Variants in UNC119B observed in about 807,000 individuals in gnomAD.
UNC119B encodes protein unc-119 homolog B.
UNC119B carries 16 observed loss-of-function variants against 23.4 expected under a neutral mutation model. The observed-to-expected ratio is 0.68, with a 90% CI of 0.46 to 1.04. UNC119B has a LOEUF of 1.04. Ranked by LOEUF, UNC119B falls within the 50% of genes least tolerant of loss-of-function variation. The pLI is 0.00. For missense variants in UNC119B, 350 were observed against 361.3 expected, an observed-to-expected ratio of 0.97 and a Z score of 0.25; for synonymous variants, 144 against 145.4, an observed-to-expected ratio of 0.99 and a Z score of 0.07.
rs1053918992 is a variant in UNC119B at position 120,723,242 on chromosome 12, G to C, written c.*3210G>C. 3 of 154,654 alleles carry C rather than the reference G, an allele frequency of 1.9e-5. No individual in the cohort carries two copies. The highest frequency in any genetic ancestry group is 2.9e-5 in the Non-Finnish European group (2 of 68,222). 9.6% of individuals were successfully genotyped at this position (154,654 alleles called of 1,614,324 possible). Reference sequence around the variant, plus strand: ...AGTGTGTCCTGAAATTCACAGGACTGACTCCTCACCCCAGTGCACGAGGAT... The same window carrying C: ...AGTGTGTCCTGAAATTCACAGGACTCACTCCTCACCCCAGTGCACGAGGAT... On this transcript the variant is annotated 3_prime_UTR_variant, in exon 5 of 5. Transcript: ENST00000344651.
chr12:120,715,193 A>G (rs1459305391), intron 2 of UNC119B, among the ~76,000 whole-genome samples: 1 of 152,192 alleles, frequency 6.6e-6, no homozygotes, highest in East Asian at 1.9e-4. Context: ...CCTATCTCAA[A>G]ATAAATCAAT....
chr12:120,720,077 G>T lies in UNC119B; in HGVS notation c.*45G>T. Reference sequence around the variant, plus strand: ...GGGAGGTGCTTTGCCGCGGCCACAAGATCCTGGCACACGGAGATGATCGAA... The same window carrying T: ...GGGAGGTGCTTTGCCGCGGCCACAATATCCTGGCACACGGAGATGATCGAA... On this transcript the variant is annotated 3_prime_UTR_variant, in exon 5 of 5. Transcript: ENST00000344651. The T allele has an allele frequency of 1.4e-6, 2 of 1,410,960 alleles. No individual in the cohort carries two copies. The highest frequency in any genetic ancestry group is 2.0e-6 in the Non-Finnish European group (2 of 998,242). The allele number at this position is 1,410,960 out of a possible 1,614,324, so 87.4% of individuals were successfully genotyped here.
At chr12:120,710,809 T>A (rs1376627800) in intron 1 of UNC119B, 91 bp downstream of exon 1, 2 of 1,201,186 alleles carry the variant, frequency 1.7e-6, no homozygotes, top group Non-Finnish European at 2.1e-6. Flanking sequence ...AGCGCGGGGG[T>A]CCCCGCCAGA....
rs753040876 is a variant in UNC119B, at chr12:120,723,154, T to C, written c.*3122T>C. The stretch of plus-strand genomic sequence containing the variant: ...TTCCAGGATACTCTTTTCCCCTCTG[T>C]AAAGTCACTTTCTTCTGATGGCCAG... On this transcript the variant is annotated 3_prime_UTR_variant, in exon 5 of 5. Coordinates refer to ENST00000344651, the MANE Select transcript of UNC119B (RefSeq NM_001080533.3). The C allele has an allele frequency of 6.5e-6, 1 of 154,688 alleles. No homozygotes were observed. The highest frequency in any genetic ancestry group is 1.5e-5 in the Non-Finnish European group (1 of 68,260). The allele number at this position is 154,688 out of a possible 1,614,324, so 9.6% of individuals were successfully genotyped here.
At chr12:120,715,482 A>G (rs573279881) in intron 2 of UNC119B, among the ~76,000 whole-genome samples, 1 of 144,926 alleles carries the variant, frequency 6.9e-6, no homozygotes, top group Non-Finnish European at 1.5e-5. Flanking sequence ...ACTGGAGGGT[A>G]CTAACTCCTA....
chr12:120,718,489 G>T (rs1442137177), intron 4 of UNC119B, among the ~76,000 whole-genome samples: 1 of 152,202 alleles, frequency 6.6e-6, no homozygotes, highest in Non-Finnish European at 1.5e-5. Flanking sequence ...GGCTGTTGTA[G>T]ATTTTGGGGC....
At chr12:120,718,333 T>C (rs963702957) in intron 4 of UNC119B, among the ~76,000 whole-genome samples, 2 of 152,212 alleles carry the variant, frequency 1.3e-5, no homozygotes, top group African/African-American at 2.4e-5. Context: ...GTTTTAGTCA[T>C]TGGCCCTTCA....
chr12:120,715,266 G>A (rs1441938606), intron 2 of UNC119B, among the ~76,000 whole-genome samples: 2 of 152,230 alleles, frequency 1.3e-5, no homozygotes, highest in Non-Finnish European at 2.9e-5. Flanking sequence ...TTGTTCTGAT[G>A]AATTTGAATC....
At chr12:120,718,418 C>G (rs928917824) in intron 4 of UNC119B, among the ~76,000 whole-genome samples, 1 of 152,192 alleles carries the variant, frequency 6.6e-6, no homozygotes, top group African/African-American at 2.4e-5. Flanking sequence ...CTTTTCCATT[C>G]CCTGCAGGAT....
chr12:120,712,602 A>G lies in UNC119B; in HGVS notation c.245-672A>G, dbSNP rs1566019319. 2.0e-5 allele frequency among the ~76,000 whole-genome samples: 3 copies of G among 152,192 alleles called. No individual in the cohort carries two copies. The East Asian group carries it at 5.8e-4, about 29-fold the overall frequency. Reference sequence around the variant, plus strand: ...GATTTTGTGTAGCCCACAAACTAAGATTAGGTTTGTACATTTTTAAATGGT... The same window carrying G: ...GATTTTGTGTAGCCCACAAACTAAGGTTAGGTTTGTACATTTTTAAATGGT... On this transcript the variant is annotated intron_variant, in intron 1 of 4. Coordinates refer to ENST00000344651, the MANE Select transcript of UNC119B (RefSeq NM_001080533.3).
chr12:120,716,634 A>G lies in UNC119B; in HGVS notation c.365A>G (p.Glu122Gly), dbSNP rs761035170. ...EIAKPCVSDQ[E>G]EDEEEGGGDV... ...ATTCTGTGTGCTCTTTCAGACCAGG[A>G]GGAGGATGAGGAGGAGGGAGGTGGA... Residue 122 changes from glutamate (E) to glycine (G), a missense_variant, in exon 3 of 5, where the codon GAG becomes GGG. Physicochemically the swap from Glu to Gly is moderately conservative, Grantham distance 98. Coordinates refer to ENST00000344651, the MANE Select transcript of UNC119B (RefSeq NM_001080533.3). 2.5e-6 allele frequency: 4 copies of G among 1,614,152 alleles called. No homozygotes were observed. Among genetic ancestry groups the G allele is most frequent in the South Asian group, 1.1e-5 (1 of 91,076 alleles).
chr12:120,714,342 A>G (rs899515856), intron 2 of UNC119B, among the ~76,000 whole-genome samples: 1 of 151,516 alleles, frequency 6.6e-6, no homozygotes, highest in African/African-American at 2.4e-5. Flanking sequence ...TTGTTTTGAG[A>G]CACAGTCTTG....
chr12:120,718,427 A>C (rs1882824277), intron 4 of UNC119B, among the ~76,000 whole-genome samples: 1 of 152,184 alleles, frequency 6.6e-6, no homozygotes, highest in Non-Finnish European at 1.5e-5. Context: ...TCCCTGCAGG[A>C]TAGAGAGTTG....
At chr12:120,719,873 C>G (rs372941146) in intron 4 of UNC119B, 47 bp from the exon 5 acceptor site, 2 of 1,428,428 alleles carry the variant, frequency 1.4e-6, no homozygotes, top group African/African-American at 2.8e-5. Context: ...GGGGCAGACT[C>G]AAACATAATT....
rs767092881 is a variant in UNC119B, at chr12:120,710,526, G to T, written c.52G>T (p.Gly18Trp). The change falls in exon 1 of 5, where the codon GGG becomes TGG. Residue 18 changes from glycine to tryptophan, a missense_variant. Physicochemically the swap from Gly to Trp is radical, Grantham distance 184. Coordinates refer to ENST00000344651, the MANE Select transcript of UNC119B (RefSeq NM_001080533.3). ...AAAAASAAGP[G>W]GLVAGKEEKK... ...GGCCGCGGCGTCGGCGGCTGGGCCC[G>T]GGGGGCTGGTGGCTGGCAAGGAGGA... 3.7e-6 allele frequency: 5 copies of T among 1,369,432 alleles called. No individual in the cohort carries two copies. Among genetic ancestry groups the T allele is most frequent in the Non-Finnish European group, 4.7e-6 (5 of 1,067,600 alleles). The allele number at this position is 1,369,432 out of a possible 1,614,324, so 84.8% of individuals were successfully genotyped here.
rs966292774 is a variant in UNC119B, at chr12:120,710,487, A to C, written c.13A>C (p.Asn5His). The C allele has an allele frequency of 5.9e-6, 8 of 1,351,016 alleles. No homozygotes were observed. The highest frequency in any genetic ancestry group is 6.6e-6 in the Non-Finnish European group (7 of 1,058,566). The allele number at this position is 1,351,016 out of a possible 1,614,324, so 83.7% of individuals were successfully genotyped here. ...TGGCGGCGGAGCGATGAGCGGGTCTAACCCGAAGGCTGCGGCCGCGGCGTC... is the reference window on the plus strand; with the variant it reads ...TGGCGGCGGAGCGATGAGCGGGTCTCACCCGAAGGCTGCGGCCGCGGCGTC... The part of the protein sequence containing the change: MSGS[N>H]PKAAAAASAA... Residue 5 changes from asparagine (N) to histidine (H), a missense_variant, in exon 1 of 5, where the codon AAC becomes CAC. Asn to His is a moderately conservative substitution (Grantham distance 68). Coordinates refer to ENST00000344651, the MANE Select transcript of UNC119B (RefSeq NM_001080533.3).
intron 4 of UNC119B, 76 bp downstream of exon 4, chr12:120,717,118 C>T: frequency 7.0e-7 from 1 of 1,432,948 alleles, no homozygotes; most frequent in Non-Finnish European, 9.4e-7. Context: ...CCATCTGGTC[C>T]AGCGCCCTGG....
chr12:120,710,758 C>T (rs1882646282), intron 1 of UNC119B, 40 bp downstream of exon 1: 3 of 1,296,144 alleles, frequency 2.3e-6, no homozygotes, highest in Admixed American at 4.1e-5. Context: ...TCGCGCCGTG[C>T]CCCGGCTCCC....
At chr12:120,718,821 A>C (rs796958387) in intron 4 of UNC119B, among the ~76,000 whole-genome samples, 12 of 152,344 alleles carry the variant, frequency 7.9e-5, no homozygotes, top group African/African-American at 2.9e-4. Context: ...CATATTCTGA[A>C]AACCAGATAA....
Sources: gnomAD v4.1 joint callset for allele counts (sites outside exome capture counted in the v4.1 genomes callset) on GRCh38, gnomAD v4.1.1 for gene constraint, MANE v1.5 for transcripts, NCBI Gene and HGNC (gene_info 2026-07-23, HGNC 2026-07-21) for gene names.